Variants in PLD1 observed in about 807,000 individuals in gnomAD.
PLD1 encodes phospholipase D1, also known as choline phosphatase 1.
PLD1 carries 112 observed loss-of-function variants against 137.1 expected under a neutral mutation model. The ratio of observed to expected loss-of-function variants is 0.82; its 90% confidence interval spans 0.70 to 0.96. The LOEUF is 0.96. Among genes scored for constraint, PLD1 ranks in the 40% least tolerant of loss-of-function variants. The probability of loss-of-function intolerance (pLI) is 0.00; values close to 1 mark genes in which losing one functional copy is unlikely to be tolerated. For synonymous variants in PLD1, 431 were observed against 454.7 expected, an observed-to-expected ratio of 0.95 and a Z score of 0.66; for missense variants, 1,321 against 1,342.0, an observed-to-expected ratio of 0.98 and a Z score of 0.24.
intron 1 of PLD1, among the ~76,000 whole-genome samples, chr3:171,740,045 T>G (rs1719664580): frequency 6.6e-6 from 1 of 152,192 alleles, no homozygotes; most frequent in Non-Finnish European, 1.5e-5. Context: ...GGGTCTTTGT[T>G]TCCTCTCTAT....
intron 1 of PLD1, among the ~76,000 whole-genome samples, chr3:171,746,764 G>A (rs1367110181): frequency 1.3e-5 from 2 of 152,194 alleles, no homozygotes; most frequent in African/African-American, 2.4e-5. Context: ...CTGTAAAATG[G>A]ACCAATCAGC....
intron 1 of PLD1, among the ~76,000 whole-genome samples, chr3:171,765,698 T>A (rs1418507753): frequency 6.6e-6 from 1 of 152,156 alleles, no homozygotes; most frequent in Non-Finnish European, 1.5e-5. Flanking sequence ...AAGTATGAAG[T>A]CAGCTACTCT....
intron 1 of PLD1, among the ~76,000 whole-genome samples, chr3:171,746,536 A>G (rs544471736): frequency 3.5e-4 from 53 of 152,346 alleles, no homozygotes; most frequent in South Asian, 6.2e-4. Context: ...CTCTGTGTCT[A>G]GCTCAAGGTC....
intron 9 of PLD1, among the ~76,000 whole-genome samples, chr3:171,710,967 G>A (rs112698827): frequency 0.27 from 39,306 of 143,504 alleles, 5,697 homozygotes; most frequent in Admixed American, 0.33. Context: ...TCCGCCTCCC[G>A]GGTTCAAGTG....
At chr3:171,688,193 AG>A (rs1224662733) in intron 14 of PLD1, among the ~76,000 whole-genome samples, 1 of 152,162 alleles carries the variant, frequency 6.6e-6, no homozygotes, top group Non-Finnish European at 1.5e-5. Context: ...TCTATTTAAA[AG>A]GCACTTTGGG....
chr3:171,770,786 G>A (rs1360464613), intron 1 of PLD1, among the ~76,000 whole-genome samples: 2 of 151,430 alleles, frequency 1.3e-5, no homozygotes, highest in Admixed American at 1.3e-4. Flanking sequence ...CTATTCAGGA[G>A]GTTGAGGTGG....
intron 1 of PLD1, chr3:171,789,729 A>G (rs550027717): frequency 2.2e-4 from 33 of 152,248 alleles, no homozygotes; most frequent in Non-Finnish European, 3.8e-4. Context: ...AAAGCAGAAA[A>G]CAAAACAAAA....
chr3:171,739,324 C>T (rs1719607788), intron 1 of PLD1, among the ~76,000 whole-genome samples: 1 of 152,130 alleles, frequency 6.6e-6, no homozygotes, highest in South Asian at 2.1e-4. Flanking sequence ...AAAACCTATA[C>T]TTTTATGTCT....
chr3:171,735,702 G>A, intron 3 of PLD1, 65 bp from the exon 4 acceptor site: 1 of 903,156 alleles, frequency 1.1e-6, no homozygotes, highest in Non-Finnish European at 1.8e-6. Flanking sequence ...AGCTTTCAGT[G>A]AACAATATTT....
intron 25 of PLD1, among the ~76,000 whole-genome samples, chr3:171,605,721 G>C (rs1241517282): frequency 6.6e-6 from 1 of 152,178 alleles, no homozygotes; most frequent in African/African-American, 2.4e-5. Context: ...GGATTAAAAA[G>C]CACTTCCACC....
At chr3:171,654,078 A>G in intron 21 of PLD1, 1 of 380,988 alleles carries the variant, frequency 2.6e-6, no homozygotes, top group Non-Finnish European at 5.2e-6. Flanking sequence ...AGGTGGGCGG[A>G]TCACTTGAGG....
At chr3:171,633,665 G>T (rs75974941) in intron 23 of PLD1, among the ~76,000 whole-genome samples, 35,696 of 151,932 alleles carry the variant, frequency 0.23, 4,484 homozygotes, top group Admixed American at 0.3. Flanking sequence ...CAATACAATA[G>T]ACTCAATATT....
chr3:171,697,419 G>A (rs1377348478), intron 12 of PLD1, among the ~76,000 whole-genome samples: 1 of 151,686 alleles, frequency 6.6e-6, no homozygotes, highest in African/African-American at 2.4e-5. Flanking sequence ...TAATTGTTTT[G>A]TATTTTTAGT....
At chr3:171,749,673 C>G (rs1260404779) in intron 1 of PLD1, among the ~76,000 whole-genome samples, 3 of 152,154 alleles carry the variant, frequency 2.0e-5, no homozygotes, top group African/African-American at 7.2e-5. Context: ...ACTTGAGTGA[C>G]TAAAACTCGG....
At chr3:171,694,897 A>C (rs559179076) in intron 12 of PLD1, among the ~76,000 whole-genome samples, 15 of 152,280 alleles carry the variant, frequency 9.9e-5, no homozygotes, top group African/African-American at 3.6e-4. Context: ...AATAATTCTA[A>C]AGGAAATAGG....
chr3:171,632,401 A>T (rs1408589481), intron 23 of PLD1, among the ~76,000 whole-genome samples: 3 of 152,204 alleles, frequency 2.0e-5, no homozygotes, highest in African/African-American at 7.2e-5. Flanking sequence ...TATGAAGTAC[A>T]TTCCTAAGAC....
At chr3:171,628,778 A>C (rs1462800729) in intron 23 of PLD1, among the ~76,000 whole-genome samples, 4 of 152,180 alleles carry the variant, frequency 2.6e-5, no homozygotes, top group Non-Finnish European at 4.4e-5. Context: ...TTATCTCAAT[A>C]GATGCAGAAA....
At position 171,692,385 on chromosome 3, in the gene PLD1, T is replaced by G. The variant is rs1190435261; in HGVS notation, c.1285A>C (p.Ile429Leu). The change falls in exon 13 of 27, where the codon ATC becomes CTC. Residue 429 changes from isoleucine to leucine, a missense_variant. Coordinates refer to ENST00000351298, the MANE Select transcript of PLD1 (RefSeq NM_002662.5). ...GTCCTCTTGGTGTATTCACTATTGA[T>G]GCCAAGAGCGAGTTCCACCTCTTTG... ...LYKEVELALG[I>L]NSEYTKRTLM... 1.9e-6 allele frequency: 3 copies of G among 1,606,314 alleles called. No individual in the cohort carries two copies. In the African/African-American group the frequency reaches 4.0e-5, roughly 21 times the overall value.
At chr3:171,792,823 C>A in intron 1 of PLD1, 1 of 413,818 alleles carries the variant, frequency 2.4e-6, no homozygotes, top group Non-Finnish European at 4.9e-6. Flanking sequence ...CTCCTTTTGG[C>A]ATAAATCCTC....
Sources: allele counts gnomAD v4.1 joint callset (sites outside exome capture counted in the v4.1 genomes callset), GRCh38; gene constraint gnomAD v4.1.1; transcripts MANE v1.5; gene names NCBI Gene and HGNC (gene_info 2026-07-23, HGNC 2026-07-21).